PTCHD4: variants seen among roughly 807,000 people sequenced by gnomAD.
The protein encoded by PTCHD4 is patched domain-containing protein 4.
PTCHD4 carries 33 observed loss-of-function variants against 58.1 expected under a neutral mutation model. The ratio of observed to expected loss-of-function variants is 0.57; its 90% CI spans 0.43 to 0.76. The LOEUF is 0.76. Among genes scored for constraint, PTCHD4 ranks in the 30% least tolerant of loss-of-function variants. PTCHD4 has a pLI of 0.00. For synonymous variants in PTCHD4, 478 were observed against 409.6 expected (o/e 1.17, Z -2.02); for missense variants, 1,058 against 1,027.1 (o/e 1.03, Z -0.41).
At chr6:47,916,801 A>T (rs1457469423) in intron 4 of PTCHD4, among the ~76,000 whole-genome samples, 1 of 152,178 alleles carries the variant, frequency 6.6e-6, no homozygotes. Flanking sequence ...GTAATAACTA[A>T]AAAGTTTTTC....
At chr6:47,902,354 C>G (rs536466581) in intron 4 of PTCHD4, among the ~76,000 whole-genome samples, 1 of 152,192 alleles carries the variant, frequency 6.6e-6, no homozygotes, top group Admixed American at 6.5e-5. Context: ...TCAAGAAATA[C>G]TTAAATAAGA....
chr6:47,971,335 TA>T (rs113820804), intron 4 of PTCHD4, among the ~76,000 whole-genome samples: 7 of 149,648 alleles, frequency 4.7e-5, no homozygotes, highest in African/African-American at 9.8e-5. Flanking sequence ...GATTGCTGAA[TA>T]AAAAAAAAAT....
At chr6:48,042,907 T>C (rs1248389877) in intron 3 of PTCHD4, among the ~76,000 whole-genome samples, 2 of 151,938 alleles carry the variant, frequency 1.3e-5, no homozygotes, top group African/African-American at 4.8e-5. Flanking sequence ...AATTTTTACC[T>C]AGGAATAGTA....
intron 1 of PTCHD4, among the ~76,000 whole-genome samples, chr6:48,082,754 T>C (rs1765190094): frequency 6.6e-6 from 1 of 152,120 alleles, no homozygotes; most frequent in African/African-American, 2.4e-5. Flanking sequence ...GTCAATTAGA[T>C]TTATAAAAAT....
chr6:47,892,622 C>T (rs1764414202), intron 4 of PTCHD4, among the ~76,000 whole-genome samples: 2 of 152,154 alleles, frequency 1.3e-5, no homozygotes, highest in African/African-American at 4.8e-5. Context: ...TTTAAAATGT[C>T]TGATTCAATC....
intron 4 of PTCHD4, among the ~76,000 whole-genome samples, chr6:47,959,525 G>A (rs1190708775): frequency 1.3e-5 from 2 of 152,052 alleles, no homozygotes; most frequent in African/African-American, 4.8e-5. Flanking sequence ...GTAGCCAAAG[G>A]TCTTTTAATT....
At chr6:47,932,646 A>G (rs912257402) in intron 4 of PTCHD4, among the ~76,000 whole-genome samples, 1 of 152,194 alleles carries the variant, frequency 6.6e-6, no homozygotes, top group African/African-American at 2.4e-5. Context: ...AGGTGGCTCA[A>G]TGCCAAAGTA....
intron 4 of PTCHD4, among the ~76,000 whole-genome samples, chr6:47,992,226 A>T (rs1220994134): frequency 6.6e-6 from 1 of 152,190 alleles, no homozygotes; most frequent in Non-Finnish European, 1.5e-5. Context: ...ACACCACTTT[A>T]TGCTGATAAA....
chr6:48,093,061 G>A (rs1388599100), intron 1 of PTCHD4, among the ~76,000 whole-genome samples: 1 of 152,200 alleles, frequency 6.6e-6, no homozygotes, highest in African/African-American at 2.4e-5. Context: ...AGGCACAACA[G>A]ACTTCCCTGG....
chr6:48,080,961 A>G (rs1765156002), intron 1 of PTCHD4, among the ~76,000 whole-genome samples: 1 of 152,188 alleles, frequency 6.6e-6, no homozygotes, highest in Non-Finnish European at 1.5e-5. Flanking sequence ...GGTGATCTTC[A>G]GGATCTAAAC....
intron 4 of PTCHD4, among the ~76,000 whole-genome samples, chr6:47,978,480 GATA>G (rs966677657): frequency 1.3e-5 from 2 of 152,096 alleles, no homozygotes; most frequent in African/African-American, 2.4e-5. Flanking sequence ...TAAAAATTGA[GATA>G]ATAATAGTTT....
intron 4 of PTCHD4, among the ~76,000 whole-genome samples, chr6:47,983,247 T>C (rs1481994323): frequency 6.6e-6 from 1 of 151,500 alleles, no homozygotes; most frequent in Admixed American, 6.6e-5. Context: ...TTTTTGTTGC[T>C]TTTTTTTGTT....
At chr6:47,984,093 G>A (rs559905224) in intron 4 of PTCHD4, among the ~76,000 whole-genome samples, 45 of 151,998 alleles carry the variant, frequency 3.0e-4, no homozygotes, top group Non-Finnish European at 1.0e-4. Flanking sequence ...ATATAAATAA[G>A]TATATTTATA....
At position 48,068,331 on chromosome 6, in the gene PTCHD4, C is replaced by G; in HGVS notation, c.316G>C (p.Gly106Arg). 6.2e-7 allele frequency: 1 copy of G among 1,613,924 alleles called. No individual in the cohort carries two copies. Among genetic ancestry groups the G allele is most frequent in the Non-Finnish European group, 8.5e-7 (1 of 1,179,870 alleles). ...AGGAGGATCACCCTGCCATACCTCC[C>G]AGGGGTGTGTAAGTCCGAATAGAGC... ...SQLYSDLHTP[G>R]RYGRVILLSP... The change falls in exon 3 of 5, where the codon GGG becomes CGG. Residue 106 changes from glycine (G) to arginine (R), a missense_variant. Coordinates refer to ENST00000339488, the MANE Select transcript of PTCHD4 (RefSeq NM_001384253.1). This position sits in a 1 kb window ranked among gnomAD's most constrained non-coding sequence, Gnocchi z 4.2.
chr6:48,014,272 A>T (rs1762792061), intron 3 of PTCHD4, among the ~76,000 whole-genome samples: 1 of 152,152 alleles, frequency 6.6e-6, no homozygotes, highest in African/African-American at 2.4e-5. Context: ...TTTGTACATT[A>T]TTTGTATGGG....
chr6:48,106,483 A>G (rs970861741), intron 1 of PTCHD4, among the ~76,000 whole-genome samples: 2 of 152,196 alleles, frequency 1.3e-5, no homozygotes, highest in Non-Finnish European at 2.9e-5. Flanking sequence ...TGACAAACCC[A>G]CAGCCAATAT....
At chr6:48,000,335 A>G (rs1205559251) in intron 4 of PTCHD4, among the ~76,000 whole-genome samples, 1 of 152,188 alleles carries the variant, frequency 6.6e-6, no homozygotes, top group African/African-American at 2.4e-5. Flanking sequence ...ATCTTTGTAT[A>G]TACTGTAAAC....
chr6:47,972,481 CTAA>C (rs1219373975), intron 4 of PTCHD4, among the ~76,000 whole-genome samples: 1 of 152,098 alleles, frequency 6.6e-6, no homozygotes, highest in African/African-American at 2.4e-5. Flanking sequence ...GTACAATCTC[CTAA>C]TGTTTTGCAT....
intron 4 of PTCHD4, chr6:47,890,967 G>A (rs559446317): frequency 1.1e-5 from 9 of 794,912 alleles, no homozygotes; most frequent in South Asian, 5.7e-5. Flanking sequence ...CAGCACTTTG[G>A]GGGGCTGAGG....
Sources: allele counts gnomAD v4.1 joint callset (sites outside exome capture counted in the v4.1 genomes callset), GRCh38; gene constraint gnomAD v4.1.1; non-coding constraint Gnocchi (gnomAD v3.1); transcripts MANE v1.5; gene names NCBI Gene and HGNC (gene_info 2026-07-23, HGNC 2026-07-21).